The following SATB1 variants were observed in gnomAD, a reference collection of about 807,000 sequenced individuals.
SATB1 encodes the protein DNA-binding protein SATB1.
SATB1 carries 11 observed loss-of-function variants against 86.9 expected under a neutral mutation model. The observed-to-expected ratio is 0.13, with a 90% CI of 0.08 to 0.21. The LOEUF (loss-of-function observed/expected upper bound fraction) is 0.21, where lower values mean the gene tolerates loss of function less well. SATB1 is among the 10% of genes least tolerant of loss of function. The pLI is 1.00. For synonymous variants in SATB1, 357 were observed against 357.2 expected (o/e 1.00, Z 0.01); for missense variants, 551 against 937.6 (o/e 0.59, Z 5.39).
intron 3 of SATB1, 50 bp from the exon 4 acceptor site, chr3:18,416,183 T>C: frequency 6.8e-7 from 1 of 1,464,982 alleles, no homozygotes; most frequent in Non-Finnish European, 9.3e-7. Flanking sequence ...CCTCAGATAA[T>C]ATATCTACTA....
rs980180376 is a variant in SATB1, at chr3:18,345,656, T to C, written c.*3514A>G. On this transcript the variant is annotated 3_prime_UTR_variant, in exon 11 of 11. Transcript: ENST00000338745. ...AAAGAAGACTAGTATTGATATTTTC[T>C]GATATTTTAGATATGATTAATATTT... 6.6e-6 allele frequency: 1 copy of C among 152,150 alleles called. No individual in the cohort carries two copies. Among genetic ancestry groups the C allele is most frequent in the Non-Finnish European group, 1.5e-5 (1 of 67,970 alleles). 9.4% of individuals were successfully genotyped at this position (152,150 alleles called of 1,614,324 possible).
chr3:18,402,229 A>G (rs1697309091), intron 5 of SATB1, among the ~76,000 whole-genome samples: 1 of 152,122 alleles, frequency 6.6e-6, no homozygotes, highest in Non-Finnish European at 1.5e-5. Context: ...TCAGTAGCCA[A>G]TGAAGGGGTT....
chr3:18,422,574 C>T (rs1698445193), intron 1 of SATB1, among the ~76,000 whole-genome samples: 1 of 152,162 alleles, frequency 6.6e-6, no homozygotes, highest in African/African-American at 2.4e-5. Flanking sequence ...AGCAAGATTA[C>T]TCTTTTCCAT....
At chr3:18,382,734 T>C (rs140761827) in intron 8 of SATB1, among the ~76,000 whole-genome samples, 13 of 152,358 alleles carry the variant, frequency 8.5e-5, no homozygotes, top group African/African-American at 2.9e-4. Context: ...GTTATTTCAT[T>C]AGGACAATGC....
intron 9 of SATB1, among the ~76,000 whole-genome samples, chr3:18,355,332 T>A (rs1694576692): frequency 6.6e-6 from 1 of 152,110 alleles, no homozygotes; most frequent in African/African-American, 2.4e-5. Context: ...TACCTTGGAA[T>A]ATTTTGACTA....
At chr3:18,361,141 A>T (rs924286622) in intron 9 of SATB1, among the ~76,000 whole-genome samples, 7 of 152,132 alleles carry the variant, frequency 4.6e-5, no homozygotes, top group Non-Finnish European at 1.0e-4. Flanking sequence ...CTACTTAGTT[A>T]CTGTAACCTC....
chr3:18,397,467 G>A (rs1697022306), intron 5 of SATB1, among the ~76,000 whole-genome samples, 177 bp from the exon 6 acceptor site: 1 of 151,978 alleles, frequency 6.6e-6, no homozygotes, highest in Non-Finnish European at 1.5e-5. Flanking sequence ...ATCATCAAAT[G>A]CTTATTTAAG....
At position 18,352,566 on chromosome 3, in the gene SATB1, G is replaced by A; in HGVS notation, c.1576-371C>T. 1 of 208,696 alleles carries A rather than the reference G, an allele frequency of 4.8e-6. No individual in the cohort carries two copies. 12.9% of individuals were successfully genotyped at this position (208,696 alleles called of 1,614,324 possible). ...TGGCTGGCCATCTGAGGATACGGAA[G>A]TGCCTAAGAGGCAGGACAGATTTTA... is the stretch of plus-strand genomic sequence containing the variant. On this transcript the variant is annotated intron_variant, in intron 9 of 10. Transcript: ENST00000338745. The surrounding 1 kb of genome is among the most constrained non-coding windows in gnomAD (Gnocchi z 4.1).
intron 1 of SATB1, among the ~76,000 whole-genome samples, chr3:18,437,482 CTTT>C (rs1365259809): frequency 6.6e-6 from 1 of 152,016 alleles, no homozygotes; most frequent in Admixed American, 6.6e-5. Context: ...ATACATCATT[CTTT>C]TTTAACATGG....
At chr3:18,369,211 T>C (rs1056123142) in intron 9 of SATB1, among the ~76,000 whole-genome samples, 1 of 150,224 alleles carries the variant, frequency 6.7e-6, no homozygotes, top group Non-Finnish European at 1.5e-5. Flanking sequence ...ACTACCTGTG[T>C]CCAGTCTTAG....
intron 9 of SATB1, among the ~76,000 whole-genome samples, chr3:18,376,194 C>T (rs989449256): frequency 6.7e-6 from 1 of 149,396 alleles, no homozygotes; most frequent in African/African-American, 2.5e-5. Context: ...GGGGAGAACC[C>T]GGGGTATCAT....
chr3:18,436,498 G>C (rs1455596173), intron 2 of SATB1, among the ~76,000 whole-genome samples: 1 of 90,630 alleles, frequency 1.1e-5, no homozygotes, highest in Non-Finnish European at 2.2e-5. Flanking sequence ...CAGAGACCCA[G>C]GTGCTACCAA....
At chr3:18,374,517 T>C (rs1203530541) in intron 9 of SATB1, among the ~76,000 whole-genome samples, 1 of 152,212 alleles carries the variant, frequency 6.6e-6, no homozygotes, top group Non-Finnish European at 1.5e-5. Flanking sequence ...ACTCACATTA[T>C]GTTTAAAGCA....
intron 5 of SATB1, among the ~76,000 whole-genome samples, chr3:18,400,981 GCACAC>G (rs1464902343): frequency 6.6e-6 from 1 of 152,162 alleles, no homozygotes; most frequent in Non-Finnish European, 1.5e-5. Context: ...CATCAAGAAG[GCACAC>G]CACTCCTCTG....
intron 7 of SATB1, among the ~76,000 whole-genome samples, chr3:18,390,134 T>C (rs1265587096): frequency 1.3e-5 from 2 of 152,134 alleles, no homozygotes; most frequent in Non-Finnish European, 2.9e-5. Flanking sequence ...CAAAAGCTAA[T>C]TATGAATTCT....
Position 18,417,072 on chromosome 3 carries a change from A to G in SATB1, c.218T>C (p.Met73Thr), listed in dbSNP as rs1483130348. 1 of 1,612,256 alleles carries G rather than the reference A, an allele frequency of 6.2e-7. No homozygotes were observed. Among genetic ancestry groups the G allele is most frequent in the Non-Finnish European group, 8.5e-7 (1 of 1,179,272 alleles). Reference protein sequence around the residue: ...LMKTNLRKGTMLPVFCVVEHY... With the variant: ...LMKTNLRKGTTLPVFCVVEHY... ...TTCCACCACACAGAAAACTGGCAGC[A>G]TGGTTCCTATCAAAAAGATGAAGAA... The change falls in exon 3 of 11, where the codon ATG becomes ACG. Residue 73 changes from methionine (M) to threonine (T), a missense_variant. Met to Thr is a moderately conservative substitution (Grantham distance 81). Transcript: ENST00000338745.
In SATB1 at chr3:18,352,076, G is replaced by C; in HGVS notation, c.1695C>G (p.Ala565=). ...CCGCGTTGCTCTCCTGTTCATAAAT[G>C]GCATCACGTTCTGGCTGAGGAAGAC... The part of the protein sequence containing the change: ...FLSLPQPERD[A]IYEQESNAVH... Residue 565 remains alanine (A), a synonymous_variant, in exon 10 of 11, where the codon GCC becomes GCG. Transcript: ENST00000338745. The surrounding 1 kb of genome is among the most constrained non-coding windows in gnomAD (Gnocchi z 4.1). 1 of 1,614,222 alleles carries C rather than the reference G, an allele frequency of 6.2e-7. No homozygotes were observed. The highest frequency in any genetic ancestry group is 8.5e-7 in the Non-Finnish European group (1 of 1,180,040).
At position 18,353,417 on chromosome 3, in the gene SATB1, C is replaced by T. The variant is rs114877126; in HGVS notation, c.1576-1222G>A. Among the ~76,000 whole-genome samples, 685 of 152,250 alleles carry T rather than the reference C, an allele frequency of 4.5e-3. 2 individuals carry two copies. Among genetic ancestry groups the T allele is most frequent in the Non-Finnish European group, 8.3e-3 (567 of 68,020 alleles). On this transcript the variant is annotated intron_variant, in intron 9 of 10. Coordinates refer to ENST00000338745, the MANE Select transcript of SATB1 (RefSeq NM_002971.6). Reference sequence around the variant, plus strand: ...TATCCTCCTCCTTTCTTCCCAGGGCCCTTACCAAATCATGATCACCTGACT... The same window carrying T: ...TATCCTCCTCCTTTCTTCCCAGGGCTCTTACCAAATCATGATCACCTGACT...
rs1393682303 is a variant in SATB1, at chr3:18,420,901, G to A, written c.67C>T (p.Pro23Ser). ...HSEMSNNVSD[P>S]KGPPAKIARL... ...GCAATCTTGGCTGGTGGACCCTTCG[G>A]ATCACTCACATTGTTAGACATTTCT... The change falls in exon 2 of 11, where the codon CCG becomes TCG. Residue 23 changes from proline (P) to serine (S), a missense_variant. Coordinates refer to ENST00000338745, the MANE Select transcript of SATB1 (RefSeq NM_002971.6). 3.7e-6 allele frequency: 6 copies of A among 1,614,152 alleles called. No homozygotes were observed. The highest frequency in any genetic ancestry group is 5.1e-6 in the Non-Finnish European group (6 of 1,180,020).
Sources: gnomAD v4.1 joint callset for allele counts (sites outside exome capture counted in the v4.1 genomes callset) on GRCh38, gnomAD v4.1.1 for gene constraint, Gnocchi (gnomAD v3.1) non-coding constraint, MANE v1.5 for transcripts, NCBI Gene and HGNC (gene_info 2026-07-23, HGNC 2026-07-21) for gene names.